SLC24A2: variants seen among roughly 807,000 people sequenced by gnomAD.
SLC24A2 encodes sodium/potassium/calcium exchanger 2.
SLC24A2 carries 36 observed loss-of-function variants against 62.0 expected under a neutral mutation model. The ratio of observed to expected loss-of-function variants is 0.58; its 90% CI spans 0.44 to 0.77. SLC24A2 has a LOEUF of 0.77. Among genes scored for constraint, SLC24A2 ranks in the 30% least tolerant of loss-of-function variants. The pLI is 0.00. For missense variants in SLC24A2, 846 were observed against 817.9 expected, an observed-to-expected ratio of 1.03 and a Z score of -0.42; for synonymous variants, 358 against 294.0, an observed-to-expected ratio of 1.22 and a Z score of -2.23.
chr9:19,902,951 T>C, the SLC24A2 span, among the ~76,000 whole-genome samples: 1 of 152,222 alleles, frequency 6.6e-6, no homozygotes, highest in Admixed American at 6.5e-5. Flanking sequence ...GCTGTGAGGC[T>C]CATTACTCTA....
At chr9:20,127,040 T>C in the SLC24A2 span, among the ~76,000 whole-genome samples, 4 of 152,174 alleles carry the variant, frequency 2.6e-5, no homozygotes, top group African/African-American at 7.2e-5. Flanking sequence ...TTTTTTTCTA[T>C]AGATTTTTCT....
chr9:20,026,782 A>T, the SLC24A2 span, among the ~76,000 whole-genome samples: 1 of 152,214 alleles, frequency 6.6e-6, no homozygotes, highest in Non-Finnish European at 1.5e-5. Context: ...CTTTTTGGAT[A>T]AGACCTTAAA....
chr9:19,835,402 C>CA, the SLC24A2 span, among the ~76,000 whole-genome samples: 104,949 of 151,742 alleles, frequency 0.69, 40,878 homozygotes, highest in Non-Finnish European at 0.88. Context: ...AAATGGAAAA[C>CA]AAAAAAAGGC....
chr9:19,919,016 A>T, the SLC24A2 span, among the ~76,000 whole-genome samples: 2 of 152,236 alleles, frequency 1.3e-5, no homozygotes, highest in Admixed American at 6.5e-5. Context: ...AGAAAATTTA[A>T]ATTAAATGAA....
chr9:20,296,474 A>C, the SLC24A2 span, among the ~76,000 whole-genome samples: 1 of 152,254 alleles, frequency 6.6e-6, no homozygotes, highest in Non-Finnish European at 1.5e-5. Flanking sequence ...CTTTATTCAC[A>C]ATGTTGACTT....
the SLC24A2 span, among the ~76,000 whole-genome samples, chr9:20,035,775 T>C: frequency 7.0e-4 from 107 of 152,144 alleles, 1 homozygote; most frequent in Non-Finnish European, 1.3e-4. Flanking sequence ...AATAAATAAA[T>C]TGAAATGGAC....
the SLC24A2 span, among the ~76,000 whole-genome samples, chr9:19,914,782 G>T: frequency 5.9e-5 from 9 of 151,980 alleles, no homozygotes; most frequent in Non-Finnish European, 7.4e-5. Context: ...ATGAGAAAAT[G>T]GGCTCAAGAC....
At chr9:19,954,144 C>G in the SLC24A2 span, among the ~76,000 whole-genome samples, 1 of 152,064 alleles carries the variant, frequency 6.6e-6, no homozygotes, top group African/African-American at 2.4e-5. Flanking sequence ...AGTTTTTCCT[C>G]TATTAAATGA....
At chr9:19,940,037 G>T in the SLC24A2 span, among the ~76,000 whole-genome samples, 260 of 152,320 alleles carry the variant, frequency 1.7e-3, no homozygotes, top group African/African-American at 5.9e-3. Context: ...CACTTCTCAC[G>T]ACACCCTTGG....
chr9:19,562,659 G>A (rs1835461643), intron 7 of SLC24A2, among the ~76,000 whole-genome samples: 1 of 152,058 alleles, frequency 6.6e-6, no homozygotes, highest in Admixed American at 6.6e-5. Context: ...AAAAAAAATT[G>A]CCTTCAGAAA....
the SLC24A2 span, among the ~76,000 whole-genome samples, chr9:20,062,317 G>C: frequency 6.6e-6 from 1 of 151,318 alleles, no homozygotes; most frequent in African/African-American, 2.4e-5. Flanking sequence ...GAACAGAACA[G>C]AGCCCTCAGA....
the SLC24A2 span, among the ~76,000 whole-genome samples, chr9:20,030,009 C>T: frequency 3.3e-5 from 5 of 152,254 alleles, no homozygotes; most frequent in Middle Eastern, 3.4e-3. Context: ...AAATAGGTGA[C>T]ATTGGAGGTG....
intron 8 of SLC24A2, among the ~76,000 whole-genome samples, chr9:19,529,956 T>G (rs796673493): frequency 2.5e-4 from 38 of 152,144 alleles, no homozygotes; most frequent in African/African-American, 9.2e-4. Flanking sequence ...TTTCACCATG[T>G]TGGCCAGGCT....
rs1832899333 is a variant in SLC24A2, at chr9:19,515,831, T to A, written c.*322A>T. 3 of 366,016 alleles carry A rather than the reference T, an allele frequency of 8.2e-6. No homozygotes were observed. Among genetic ancestry groups the A allele is most frequent in the Admixed American group, 7.5e-5 (2 of 26,700 alleles). The allele number at this position is 366,016 out of a possible 1,614,324, so 22.7% of individuals were successfully genotyped here. A position where few individuals can be genotyped will look rare whatever the true frequency, so the allele number is the denominator to read the frequency against. The stretch of plus-strand genomic sequence containing the variant: ...CGTATATTTATAATATGTGTATTTA[T>A]AGATATATATAGCCTGTGTCCTTGT... On this transcript the variant is annotated 3_prime_UTR_variant, in exon 11 of 11. Coordinates refer to ENST00000341998, the MANE Select transcript of SLC24A2 (RefSeq NM_020344.4).
At chr9:20,024,450 C>A in the SLC24A2 span, among the ~76,000 whole-genome samples, 1 of 152,190 alleles carries the variant, frequency 6.6e-6, no homozygotes, top group African/African-American at 2.4e-5. Flanking sequence ...TGGCTTTGGC[C>A]TTCAGCAAGT....
At chr9:19,528,262 G>A in intron 8 of SLC24A2, 124 bp from the exon 9 acceptor site, 1 of 720,128 alleles carries the variant, frequency 1.4e-6, no homozygotes, top group Admixed American at 2.0e-5. Flanking sequence ...AGTAGGATTG[G>A]CAATCAAAAG....
chr9:19,897,431 T>C, the SLC24A2 span, among the ~76,000 whole-genome samples: 1 of 152,184 alleles, frequency 6.6e-6, no homozygotes, highest in African/African-American at 2.4e-5. Context: ...ATAGAATCCT[T>C]TAAAAGCCAA....
chr9:20,003,495 CT>C, the SLC24A2 span, among the ~76,000 whole-genome samples: 523 of 151,344 alleles, frequency 3.5e-3, 1 homozygote, highest in Middle Eastern at 6.8e-3. Flanking sequence ...TCAGGAAATC[CT>C]TTTTTTTTAA....
chr9:19,882,410 T>C, the SLC24A2 span, among the ~76,000 whole-genome samples: 1 of 152,200 alleles, frequency 6.6e-6, no homozygotes, highest in Non-Finnish European at 1.5e-5. Context: ...TTTGCCCTTT[T>C]TTGGTTTTTA....
Sources: allele counts gnomAD v4.1 joint callset (sites outside exome capture counted in the v4.1 genomes callset), GRCh38; gene constraint gnomAD v4.1.1; transcripts MANE v1.5; gene names NCBI Gene and HGNC (gene_info 2026-07-23, HGNC 2026-07-21).